NXPE2: variants seen among roughly 807,000 people sequenced by gnomAD.
NXPE2 encodes neurexophilin and PC-esterase domain family member 2.
Under a neutral mutation model 34.4 loss-of-function variants are expected in NXPE2, and 34 were observed. The ratio of observed to expected loss-of-function variants is 0.99; its 90% confidence interval spans 0.75 to 1.31. The LOEUF is 1.31. Among genes scored for constraint, NXPE2 ranks in the 40% most tolerant of loss-of-function variants. The pLI is 0.00. For missense variants in NXPE2, 649 were observed against 672.5 expected (o/e 0.97, Z 0.39); for synonymous variants, 235 against 231.3 (o/e 1.02, Z -0.15).
the NXPE2 span, among the ~76,000 whole-genome samples, chr11:114,470,299 T>C: frequency 5.3e-4 from 80 of 152,328 alleles, no homozygotes; most frequent in Non-Finnish European, 6.6e-4. Flanking sequence ...TGTTCCATTT[T>C]ATATTCTCAC....
At chr11:114,551,125 A>G in the NXPE2 span, 4 of 1,528,770 alleles carry the variant, frequency 2.6e-6, no homozygotes, top group South Asian at 4.8e-5. Context: ...CTGAGAAATT[A>G]TAAAAATCAT....
chr11:114,614,183 G>A, the NXPE2 span, among the ~76,000 whole-genome samples: 2 of 145,910 alleles, frequency 1.4e-5, no homozygotes, highest in Non-Finnish European at 3.0e-5. Context: ...GTAATAAGAG[G>A]GATATTATCC....
the NXPE2 span, among the ~76,000 whole-genome samples, chr11:114,488,468 C>G: frequency 3.7e-4 from 57 of 152,212 alleles, no homozygotes; most frequent in African/African-American, 1.3e-3. Context: ...GTAAAGCACT[C>G]CTCAGCAAAT....
the NXPE2 span, among the ~76,000 whole-genome samples, chr11:114,762,773 C>T: frequency 1.3e-5 from 2 of 152,176 alleles, no homozygotes; most frequent in Non-Finnish European, 2.9e-5. Flanking sequence ...TATTTGTTTT[C>T]TATGATATTT....
the NXPE2 span, among the ~76,000 whole-genome samples, chr11:114,646,368 T>C: frequency 6.6e-6 from 1 of 151,836 alleles, no homozygotes; most frequent in African/African-American, 2.4e-5. Flanking sequence ...TCTATTAAAA[T>C]AAGTGTTAAT....
the NXPE2 span, among the ~76,000 whole-genome samples, chr11:114,741,521 C>T: frequency 3.3e-5 from 5 of 152,082 alleles, no homozygotes; most frequent in African/African-American, 1.2e-4. Flanking sequence ...TTTTTTCCTC[C>T]TGTAACTGGA....
chr11:114,621,793 G>A, the NXPE2 span, among the ~76,000 whole-genome samples: 1 of 151,970 alleles, frequency 6.6e-6, no homozygotes, highest in Non-Finnish European at 1.5e-5. Flanking sequence ...TTACCCACTG[G>A]ATAATAATTA....
chr11:114,610,501 G>A, the NXPE2 span, among the ~76,000 whole-genome samples: 1 of 151,756 alleles, frequency 6.6e-6, no homozygotes, highest in East Asian at 1.9e-4. Context: ...TGGATAATAA[G>A]TGTTGCCTCA....
the NXPE2 span, among the ~76,000 whole-genome samples, chr11:114,575,369 G>A: frequency 6.6e-6 from 1 of 151,988 alleles, no homozygotes; most frequent in Non-Finnish European, 1.5e-5. Flanking sequence ...AAGAAATAAA[G>A]GACATCCGAA....
intron 2 of NXPE2, among the ~76,000 whole-genome samples, chr11:114,693,068 T>G (rs1951182681): frequency 6.6e-6 from 1 of 152,238 alleles, no homozygotes; most frequent in Admixed American, 6.5e-5. Context: ...CTGTTGAAGT[T>G]TAAAGACCTC....
At chr11:114,788,018 G>C in the NXPE2 span, among the ~76,000 whole-genome samples, 1 of 152,194 alleles carries the variant, frequency 6.6e-6, no homozygotes, top group South Asian at 2.1e-4. Context: ...AGGACATTCA[G>C]AGTAAGGGGC....
the NXPE2 span, among the ~76,000 whole-genome samples, chr11:114,504,401 C>T: frequency 6.6e-6 from 1 of 152,188 alleles, no homozygotes; most frequent in African/African-American, 2.4e-5. Flanking sequence ...TGCAACAGCA[C>T]ACACAGTCTC....
At chr11:114,744,433 C>CATGCTATTCAG in the NXPE2 span, among the ~76,000 whole-genome samples, 104,954 of 152,090 alleles carry the variant, frequency 0.69, 36,362 homozygotes, top group Middle Eastern at 0.81. Flanking sequence ...ACAAACATGA[C>CATGCTATTCAG]ATTTATTGTT....
chr11:114,718,159 G>A, the NXPE2 span, among the ~76,000 whole-genome samples: 1 of 152,150 alleles, frequency 6.6e-6, no homozygotes, highest in Non-Finnish European at 1.5e-5. Context: ...AGGAAACTGA[G>A]CTCTGAATAG....
the NXPE2 span, among the ~76,000 whole-genome samples, chr11:114,737,536 G>A: frequency 1.3e-5 from 2 of 152,208 alleles, no homozygotes; most frequent in Admixed American, 6.5e-5. Flanking sequence ...CAGCAAGAAC[G>A]TTCCTTAGGC....
the NXPE2 span, among the ~76,000 whole-genome samples, chr11:114,653,927 C>T: frequency 6.6e-6 from 1 of 152,050 alleles, no homozygotes; most frequent in Non-Finnish European, 1.5e-5. Context: ...GAGGAAGTTC[C>T]CATGATGTCT....
chr11:114,551,401 C>T, the NXPE2 span: 36 of 1,338,158 alleles, frequency 2.7e-5, no homozygotes, highest in African/African-American at 4.6e-4. Context: ...TACTTCTTGT[C>T]GAGGTTTCAC....
chr11:114,729,918 C>G, the NXPE2 span, among the ~76,000 whole-genome samples: 1 of 151,982 alleles, frequency 6.6e-6, no homozygotes, highest in Non-Finnish European at 1.5e-5. Context: ...TTAGGTCCCA[C>G]TTGTTGATTT....
the NXPE2 span, among the ~76,000 whole-genome samples, chr11:114,764,005 A>G: frequency 6.6e-6 from 1 of 152,106 alleles, no homozygotes; most frequent in African/African-American, 2.4e-5. Context: ...CCACCATGTC[A>G]TATTTACCAG....
Sources: allele counts gnomAD v4.1 joint callset (sites outside exome capture counted in the v4.1 genomes callset), GRCh38; gene constraint gnomAD v4.1.1; transcripts MANE v1.5; gene names NCBI Gene and HGNC (gene_info 2026-07-23, HGNC 2026-07-21).